RBMS3: variants seen among roughly 807,000 people sequenced by gnomAD.
The protein encoded by RBMS3 is RNA-binding motif, single-stranded-interacting protein 3.
Under a neutral mutation model 66.8 loss-of-function variants are expected in RBMS3, and 27 were observed. The ratio of observed to expected loss-of-function variants is 0.40; its 90% CI spans 0.30 to 0.56. The LOEUF is 0.56. Among genes scored for constraint, RBMS3 ranks in the 20% least tolerant of loss-of-function variants. The pLI is 0.40. For missense variants in RBMS3, 513 were observed against 549.5 expected (o/e 0.93, Z 0.66); for synonymous variants, 188 against 183.0 (o/e 1.03, Z -0.22).
intron 1 of RBMS3, among the ~76,000 whole-genome samples, chr3:29,420,786 A>G (rs997170270): frequency 1.3e-5 from 2 of 152,012 alleles, no homozygotes; most frequent in Admixed American, 6.6e-5. Context: ...AGAACACTCT[A>G]TGTTATAGTG....
intron 3 of RBMS3, among the ~76,000 whole-genome samples, chr3:29,506,787 G>A (rs2148947582): frequency 6.6e-6 from 1 of 151,792 alleles, no homozygotes; most frequent in African/African-American, 2.4e-5. Flanking sequence ...TTACTTCATG[G>A]TTTAGTCTTG....
chr3:29,859,114 T>C (rs1353744906), intron 6 of RBMS3, among the ~76,000 whole-genome samples: 1 of 152,204 alleles, frequency 6.6e-6, no homozygotes, highest in Non-Finnish European at 1.5e-5. Flanking sequence ...TTTTAGTGTA[T>C]ATTCCCTCAC....
At chr3:29,661,440 A>C (rs2050543255) in intron 4 of RBMS3, among the ~76,000 whole-genome samples, 1 of 152,124 alleles carries the variant, frequency 6.6e-6, no homozygotes, top group African/African-American at 2.4e-5. Flanking sequence ...AAGTTTGTAT[A>C]GTATTTTTTT....
chr3:29,300,328 A>G (rs1380822292), intron 1 of RBMS3, among the ~76,000 whole-genome samples: 1 of 151,988 alleles, frequency 6.6e-6, no homozygotes, highest in Non-Finnish European at 1.5e-5. Context: ...GAAATTTTTG[A>G]AAAGAGATTA....
intron 4 of RBMS3, among the ~76,000 whole-genome samples, chr3:29,703,363 A>G (rs1451809945): frequency 9.2e-5 from 14 of 152,220 alleles, no homozygotes; most frequent in Non-Finnish European, 1.6e-4. Flanking sequence ...CTTGGCTGAA[A>G]GTCTAGTGAA....
At chr3:29,871,691 C>T (rs2059495328) in intron 7 of RBMS3, among the ~76,000 whole-genome samples, 1 of 152,032 alleles carries the variant, frequency 6.6e-6, no homozygotes, top group African/African-American at 2.4e-5. Flanking sequence ...GTTTACTTTT[C>T]CTCTCTCCTA....
intron 1 of RBMS3, among the ~76,000 whole-genome samples, chr3:29,339,773 T>C (rs1156538358): frequency 1.3e-5 from 2 of 152,102 alleles, no homozygotes; most frequent in Non-Finnish European, 2.9e-5. Flanking sequence ...AGTAAAAAAT[T>C]TGAATGCATT....
At chr3:29,509,297 C>A (rs2044303943) in intron 3 of RBMS3, among the ~76,000 whole-genome samples, 1 of 152,112 alleles carries the variant, frequency 6.6e-6, no homozygotes. Context: ...TGGAAAAATA[C>A]TTTGGTGCCT....
chr3:29,509,751 G>A (rs2044325608), intron 3 of RBMS3, among the ~76,000 whole-genome samples: 2 of 152,196 alleles, frequency 1.3e-5, no homozygotes, highest in South Asian at 2.1e-4. Context: ...AGCAAGCTGT[G>A]TATAATCAGT....
intron 3 of RBMS3, among the ~76,000 whole-genome samples, chr3:29,522,733 A>T (rs1020594812): frequency 6.6e-6 from 1 of 152,152 alleles, no homozygotes; most frequent in African/African-American, 2.4e-5. Context: ...TCGTCTGCCA[A>T]TACTACCCAT....
chr3:29,890,752 A>T (rs1349179841), intron 8 of RBMS3, among the ~76,000 whole-genome samples: 1 of 151,700 alleles, frequency 6.6e-6, no homozygotes, highest in Non-Finnish European at 1.5e-5. Flanking sequence ...TTATATGTAT[A>T]AAATGTTTCT....
intron 2 of RBMS3, among the ~76,000 whole-genome samples, chr3:29,448,417 G>T (rs1274450981): frequency 1.3e-5 from 2 of 152,212 alleles, no homozygotes; most frequent in Non-Finnish European, 2.9e-5. Context: ...AAAGGGATTT[G>T]CTGTCGGTCT....
chr3:29,837,317 A>T (rs774313603), intron 6 of RBMS3, among the ~76,000 whole-genome samples: 2 of 152,004 alleles, frequency 1.3e-5, no homozygotes, highest in African/African-American at 2.4e-5. Flanking sequence ...CCTTATACGT[A>T]GTCTAGTTTT....
intron 4 of RBMS3, among the ~76,000 whole-genome samples, chr3:29,603,452 A>G (rs2048213819): frequency 6.6e-6 from 1 of 151,992 alleles, no homozygotes; most frequent in South Asian, 2.1e-4. Context: ...GTTCTCAACT[A>G]GAGGCATTTT....
intron 2 of RBMS3, among the ~76,000 whole-genome samples, chr3:29,447,794 T>TA (rs1559369260): frequency 6.6e-6 from 1 of 152,204 alleles, no homozygotes; most frequent in African/African-American, 2.4e-5. Context: ...AATATACTTC[T>TA]AATGTCCTTT....
intron 1 of RBMS3, among the ~76,000 whole-genome samples, chr3:29,384,163 A>G (rs1042312284): frequency 3.3e-5 from 5 of 152,012 alleles, no homozygotes; most frequent in African/African-American, 1.2e-4. Flanking sequence ...AAAAAATACA[A>G]AAATTAGCCA....
intron 6 of RBMS3, among the ~76,000 whole-genome samples, chr3:29,785,355 G>C (rs1258141688): frequency 6.6e-6 from 1 of 151,984 alleles, no homozygotes; most frequent in Non-Finnish European, 1.5e-5. Context: ...TGTAAGGATG[G>C]TTTAACGTAT....
At chr3:29,843,945 C>G (rs2058720543) in intron 6 of RBMS3, among the ~76,000 whole-genome samples, 1 of 150,062 alleles carries the variant, frequency 6.7e-6, no homozygotes, top group Non-Finnish European at 1.5e-5. Flanking sequence ...GAATGAGACT[C>G]TTTCTCAAAG....
At chr3:29,338,307 A>G (rs2036072125) in intron 1 of RBMS3, among the ~76,000 whole-genome samples, 1 of 152,194 alleles carries the variant, frequency 6.6e-6, no homozygotes, top group African/African-American at 2.4e-5. Context: ...GAGTTATATA[A>G]AAGCAAATAA....
Sources: allele counts gnomAD v4.1 joint callset (sites outside exome capture counted in the v4.1 genomes callset), GRCh38; gene constraint gnomAD v4.1.1; transcripts MANE v1.5; gene names NCBI Gene and HGNC (gene_info 2026-07-23, HGNC 2026-07-21).